The following ORAI2 variants were observed in gnomAD, a reference collection of about 807,000 sequenced individuals.
The protein encoded by ORAI2 is ORAI calcium release-activated calcium modulator 2.
In ORAI2, 10 loss-of-function variants were observed where a neutral mutation model predicts 16.2. The observed-to-expected ratio is 0.62, with a 90% CI of 0.38 to 1.04. ORAI2 has a LOEUF of 1.04. ORAI2 is among the 50% of genes least tolerant of loss of function. ORAI2 has a pLI of 0.01. For synonymous variants in ORAI2, 150 were observed against 157.5 expected (o/e 0.95, Z 0.35); for missense variants, 238 against 355.5 (o/e 0.67, Z 2.66).
At position 102,443,272 on chromosome 7, in the gene ORAI2, T is replaced by TG. The variant is rs1346349819; in HGVS notation, c.226-3241_226-3240insG. 3.3e-3 allele frequency among the ~76,000 whole-genome samples: 481 copies of TG among 145,172 alleles called. 15 individuals carry two copies. The highest frequency in any genetic ancestry group is 0.011 in the African/African-American group (426 of 39,126). On this transcript the variant is annotated intron_variant, in intron 3 of 3. Coordinates refer to ENST00000495936, the MANE Select transcript of ORAI2 (RefSeq NM_001126340.3). Reference sequence around the variant, plus strand: ...GAGCCACCTCACTCAGCCCCTTTTCTCCTTTTTTTTTTTTTTTTTTGAGAC... The same window carrying TG: ...GAGCCACCTCACTCAGCCCCTTTTCTGCCTTTTTTTTTTTTTTTTTTGAGAC...
chr7:102,443,134 T>TTC (rs1365078690), intron 3 of ORAI2, among the ~76,000 whole-genome samples: 65 of 69,140 alleles, frequency 9.4e-4, no homozygotes, highest in African/African-American at 4.7e-3. Context: ...TCTTCTTCTT[T>TTC]TTTTTTTTTT....
At chr7:102,442,615 A>T (rs1170378424) in intron 3 of ORAI2, among the ~76,000 whole-genome samples, 1 of 151,988 alleles carries the variant, frequency 6.6e-6, no homozygotes, top group Non-Finnish European at 1.5e-5. Context: ...TGAACCCGGG[A>T]GGCAAAGGTT....
At chr7:102,441,663 G>T (rs1048299335) in intron 3 of ORAI2, among the ~76,000 whole-genome samples, 25 of 148,066 alleles carry the variant, frequency 1.7e-4, no homozygotes, top group African/African-American at 6.0e-4. Context: ...AAATATTGTT[G>T]TTTCATTTTG....
At chr7:102,436,760 G>C (rs1797070333) in intron 2 of ORAI2, among the ~76,000 whole-genome samples, 1 of 152,036 alleles carries the variant, frequency 6.6e-6, no homozygotes. Flanking sequence ...ACCCAGGCTG[G>C]AGTGCAGTGG....
Position 102,455,681 on chromosome 7 carries a change from T to G in ORAI2, c.*8629T>G, listed in dbSNP as rs1563645698. ...GTGAGGATCAGCTGGAGCTCCGACCTGACTCACATCTGGATGCGCAGTGAG... is the reference window on the plus strand; with the variant it reads ...GTGAGGATCAGCTGGAGCTCCGACCGGACTCACATCTGGATGCGCAGTGAG... On this transcript the variant is annotated 3_prime_UTR_variant, in exon 4 of 4. Coordinates refer to ENST00000495936, the MANE Select transcript of ORAI2 (RefSeq NM_001126340.3). 1.3e-5 allele frequency: 2 copies of G among 152,332 alleles called. No individual in the cohort carries two copies. Among genetic ancestry groups the G allele is most frequent in the Admixed American group, 1.3e-4 (2 of 15,290 alleles). The allele number at this position is 152,332 out of a possible 1,614,324, so 9.4% of individuals were successfully genotyped here. A position where few individuals can be genotyped will look rare whatever the true frequency, so the allele number is the denominator to read the frequency against.
rs191154888 is a variant in ORAI2 at position 102,441,924 on chromosome 7, G to A, written c.225+2743G>A. Among the ~76,000 whole-genome samples, 113 of 152,244 alleles carry A rather than the reference G, an allele frequency of 7.4e-4. 2 individuals are homozygous for A. Among genetic ancestry groups the A allele is most frequent in the African/African-American group, 2.5e-3 (105 of 41,484 alleles). On this transcript the variant is annotated intron_variant, in intron 3 of 3. Transcript: ENST00000495936. Reference sequence around the variant, plus strand: ...AATCATCAGAAACTGTAGCTGAGTCGGGGCAGGGCCCTGGGAACAGGCAAA... The same window carrying A: ...AATCATCAGAAACTGTAGCTGAGTCAGGGCAGGGCCCTGGGAACAGGCAAA...
intron 2 of ORAI2, 21 bp from the exon 3 acceptor site, chr7:102,438,923 A>G: frequency 2.5e-6 from 4 of 1,607,852 alleles, no homozygotes; most frequent in Non-Finnish European, 3.4e-6. Context: ...ATGTCTGAGC[A>G]TGTCTCTCTC....
chr7:102,443,738 G>A (rs1436979400), intron 3 of ORAI2, among the ~76,000 whole-genome samples: 2 of 151,286 alleles, frequency 1.3e-5, no homozygotes, highest in African/African-American at 2.4e-5. Flanking sequence ...ATGTAGTCTC[G>A]CTCTGTCTCC....
intron 3 of ORAI2, among the ~76,000 whole-genome samples, chr7:102,441,263 T>C (rs1390843137): frequency 6.7e-6 from 1 of 149,066 alleles, no homozygotes; most frequent in East Asian, 2.1e-4. Context: ...AAAAGCTGGC[T>C]GGGTGTGGTG....
intron 3 of ORAI2, among the ~76,000 whole-genome samples, chr7:102,441,772 C>T (rs769775092): frequency 9.9e-5 from 15 of 152,018 alleles, no homozygotes; most frequent in Non-Finnish European, 1.8e-4. Flanking sequence ...GCAAGTGAAC[C>T]ATCTGGCGTG....
intron 3 of ORAI2, among the ~76,000 whole-genome samples, chr7:102,445,907 C>T (rs1055699103): frequency 1.4e-5 from 2 of 145,000 alleles, no homozygotes; most frequent in Non-Finnish European, 3.0e-5. Flanking sequence ...CTTTCTCTTT[C>T]TCTCTCTTTC....
In ORAI2 at chr7:102,447,076, G is replaced by A. The variant is rs1331869089; in HGVS notation, c.*24G>A. 2 of 1,500,970 alleles carry A rather than the reference G, an allele frequency of 1.3e-6. No individual in the cohort carries two copies. The highest frequency in any genetic ancestry group is 4.9e-5 in the East Asian group (2 of 40,600). 93.0% of individuals were successfully genotyped at this position (1,500,970 alleles called of 1,614,324 possible). ...GAGGGGCCGAGGGCCGGGGCTGGGA[G>A]CGGCCCTGTGCCCGGGAGTCCGCAG... On this transcript the variant is annotated 3_prime_UTR_variant, in exon 4 of 4. Coordinates refer to ENST00000495936, the MANE Select transcript of ORAI2 (RefSeq NM_001126340.3).
rs1797622438 is a variant in ORAI2 at position 102,455,470 on chromosome 7, A to T, written c.*8418A>T. On this transcript the variant is annotated 3_prime_UTR_variant, in exon 4 of 4. Transcript: ENST00000495936. ...GGGCCAGCATGGAAGGACCCCAGGG[A>T]GGGAGATTTCTTTGCTCCACAGCAT... The T allele has an allele frequency of 6.6e-6, 1 of 152,258 alleles. No homozygotes were observed. Among genetic ancestry groups the T allele is most frequent in the Admixed American group, 6.5e-5 (1 of 15,274 alleles). The allele number at this position is 152,258 out of a possible 1,614,324, so 9.4% of individuals were successfully genotyped here.
rs1012324900 is a variant in ORAI2, at chr7:102,447,519, C to T, written c.*467C>T. The T allele has an allele frequency of 5.0e-5, 8 of 161,382 alleles. No individual in the cohort carries two copies. The highest frequency in any genetic ancestry group is 1.9e-4 in the East Asian group (1 of 5,368). The allele number at this position is 161,382 out of a possible 1,614,324, so 10.0% of individuals were successfully genotyped here. A position where few individuals can be genotyped will look rare whatever the true frequency, so the allele number is the denominator to read the frequency against. On this transcript the variant is annotated 3_prime_UTR_variant, in exon 4 of 4. Transcript: ENST00000495936. ...AGTGGCCCGTGTGACAGTGATGACA[C>T]GAAGGCTTCGGCGTTTGAGTGGGTG...
rs1386786014 is a variant in ORAI2 at position 102,447,016 on chromosome 7, G to A, written c.729G>A (p.Gln243=). ...AGGAGCTCCACAAGCTCAAGGTCCA[G>A]CTGGACGGGCATGAGCGCAGCCTGC... ...EIEELHKLKV[Q]LDGHERSLQV... The change falls in exon 4 of 4, where the codon CAG becomes CAA. Residue 243 remains glutamine (Q), a synonymous_variant. Coordinates refer to ENST00000495936, the MANE Select transcript of ORAI2 (RefSeq NM_001126340.3). The A allele has an allele frequency of 1.3e-6, 2 of 1,566,444 alleles. No homozygotes were observed. Among genetic ancestry groups the A allele is most frequent in the Non-Finnish European group, 8.6e-7 (1 of 1,159,510 alleles).
rs75308597 is a variant in ORAI2 at position 102,441,842 on chromosome 7, C to A, written c.225+2661C>A. Among the ~76,000 whole-genome samples, 1,007 of 152,084 alleles carry A rather than the reference C, an allele frequency of 6.6e-3. 20 individuals are homozygous for A. Among genetic ancestry groups the A allele is most frequent in the African/African-American group, 0.024 (977 of 41,382 alleles). On this transcript the variant is annotated intron_variant, in intron 3 of 3. Transcript: ENST00000495936. ...TTGATTAGATTAGCATAGCGCCATCCGGTCAGATCGTTCTTCACACTGCAG... is the reference window on the plus strand; with the variant it reads ...TTGATTAGATTAGCATAGCGCCATCAGGTCAGATCGTTCTTCACACTGCAG...
chr7:102,437,725 T>G (rs1426399428), intron 2 of ORAI2, among the ~76,000 whole-genome samples: 1 of 152,164 alleles, frequency 6.6e-6, no homozygotes, highest in Non-Finnish European at 1.5e-5. Context: ...GAAGAAGTCT[T>G]TCGTCTTCAG....
At chr7:102,440,556 A>T (rs1331508845) in intron 3 of ORAI2, among the ~76,000 whole-genome samples, 1 of 152,196 alleles carries the variant, frequency 6.6e-6, no homozygotes, top group Non-Finnish European at 1.5e-5. Flanking sequence ...TTTTAGAGAC[A>T]GGGTCCCACT....
chr7:102,439,685 G>A (rs559630193), intron 3 of ORAI2, among the ~76,000 whole-genome samples: 8 of 151,478 alleles, frequency 5.3e-5, no homozygotes, highest in Non-Finnish European at 1.2e-4. Flanking sequence ...GATCACTTGA[G>A]TCCAGGAGGT....
Sources: allele counts gnomAD v4.1 joint callset (sites outside exome capture counted in the v4.1 genomes callset), GRCh38; gene constraint gnomAD v4.1.1; transcripts MANE v1.5; gene names NCBI Gene and HGNC (gene_info 2026-07-23, HGNC 2026-07-21).